The following NECAB1 variants were observed in gnomAD, a reference collection of about 807,000 sequenced individuals.
NECAB1 encodes N-terminal EF-hand calcium binding protein 1.
NECAB1 carries 29 observed loss-of-function variants against 57.5 expected under a neutral mutation model. That is an observed-to-expected ratio of 0.50 (90% CI 0.38 to 0.69). The LOEUF (loss-of-function observed/expected upper bound fraction) is 0.69. Ranked by LOEUF, NECAB1 falls within the 30% of genes least tolerant of loss-of-function variation. NECAB1 has a pLI of 0.00. For synonymous variants in NECAB1, 142 were observed against 147.7 expected (o/e 0.96, Z 0.28); for missense variants, 372 against 413.8 (o/e 0.90, Z 0.88).
intron 1 of NECAB1, among the ~76,000 whole-genome samples, chr8:90,798,876 A>G (rs888889122): frequency 3.9e-5 from 6 of 152,186 alleles, no homozygotes; most frequent in African/African-American, 1.4e-4. Flanking sequence ...AAATCTCCAA[A>G]CTGCTTTCCA....
rs1269835226 is a variant in NECAB1 at position 90,940,807 on chromosome 8, C to A, written c.769C>A (p.Gln257Lys). The A allele has an allele frequency of 1.9e-6, 3 of 1,562,074 alleles. No individual in the cohort carries two copies. The highest frequency in any genetic ancestry group is 2.4e-5 in the South Asian group (2 of 84,588). ...GCAGCACATCATGCTTGTGCAGCGG[C>A]AGATGTCTGTGATAGAAGAGGACCT... ...TKSHIMLVQRQMSVIEEDLEE... is the reference protein window; with the variant it reads ...TKSHIMLVQRKMSVIEEDLEE... Residue 257 changes from glutamine (Q) to lysine (K), a missense_variant, in exon 10 of 13, where the codon CAG becomes AAG. By Grantham distance (53) the Gln-to-Lys change is moderately conservative. Transcript: ENST00000417640.
At chr8:90,823,382 A>T (rs112148515) in intron 2 of NECAB1, among the ~76,000 whole-genome samples, 23,058 of 151,830 alleles carry the variant, frequency 0.15, 3,193 homozygotes, top group African/African-American at 0.37. Context: ...TTTTTTGCAA[A>T]TAAGGATTTT....
At chr8:90,898,328 T>C (rs1809412918) in intron 5 of NECAB1, among the ~76,000 whole-genome samples, 2 of 152,348 alleles carry the variant, frequency 1.3e-5, no homozygotes, top group Middle Eastern at 3.4e-3. Context: ...ATTTAAAATA[T>C]AGCCTTGTCT....
intron 6 of NECAB1, 68 bp from the exon 7 acceptor site, chr8:90,925,467 G>T: frequency 6.5e-7 from 1 of 1,549,946 alleles, no homozygotes; most frequent in Non-Finnish European, 8.8e-7. Context: ...GACGCATGAA[G>T]ATCTCTTCCC....
chr8:90,807,911 C>T (rs902303795), intron 2 of NECAB1, among the ~76,000 whole-genome samples: 1 of 152,170 alleles, frequency 6.6e-6, no homozygotes, highest in African/African-American at 2.4e-5. Context: ...GAAATGTCTC[C>T]TCCACCACTG....
intron 3 of NECAB1, among the ~76,000 whole-genome samples, chr8:90,858,756 G>A (rs950016807): frequency 5.3e-5 from 8 of 152,170 alleles, no homozygotes; most frequent in Non-Finnish European, 7.4e-5. Context: ...CCATTGGCTC[G>A]TAACTATATT....
intron 7 of NECAB1, among the ~76,000 whole-genome samples, chr8:90,927,987 C>T (rs1810316704): frequency 7.7e-6 from 1 of 130,372 alleles, no homozygotes; most frequent in African/African-American, 3.6e-5. Flanking sequence ...CTTTGAATAT[C>T]AAAGGCCAAA....
intron 3 of NECAB1, among the ~76,000 whole-genome samples, chr8:90,856,796 C>T (rs1812803336): frequency 6.6e-6 from 1 of 152,204 alleles, no homozygotes; most frequent in Non-Finnish European, 1.5e-5. Flanking sequence ...GCAGCACTTG[C>T]TACCATGCAC....
At chr8:90,831,672 T>C (rs1812300610) in intron 3 of NECAB1, among the ~76,000 whole-genome samples, 1 of 152,146 alleles carries the variant, frequency 6.6e-6, no homozygotes, top group Admixed American at 6.5e-5. Flanking sequence ...GGAGTCCTGC[T>C]TTCCCATTCT....
rs1051651069 is a variant in NECAB1, at chr8:90,834,999, T to A, written c.233+10174T>A. On this transcript the variant is annotated intron_variant, in intron 3 of 12. Transcript: ENST00000417640. ...TTCCCTGACTTTCTTTTTTTTTTTT[T>A]TAAAAAAGAGCCCGCATCGACTTTC... Among the ~76,000 whole-genome samples the A allele has an allele frequency of 4.6e-5, 6 of 130,972 alleles. No individual in the cohort carries two copies. In the East Asian group the frequency reaches 1.3e-3, roughly 28 times the overall value. 85.9% of individuals were successfully genotyped at this position (130,972 alleles called of 152,430 possible).
chr8:90,833,813 C>T (rs1474838968), intron 3 of NECAB1, among the ~76,000 whole-genome samples: 1 of 152,104 alleles, frequency 6.6e-6, no homozygotes, highest in Non-Finnish European at 1.5e-5. Flanking sequence ...ACATTTTTCT[C>T]AAGAATGGTC....
At chr8:90,837,908 ACTTGTATG>A (rs1469050996) in intron 3 of NECAB1, among the ~76,000 whole-genome samples, 1 of 152,086 alleles carries the variant, frequency 6.6e-6, no homozygotes. Flanking sequence ...TTTCATTTCA[ACTTGTATG>A]CTGAATTCCT....
chr8:90,823,973 C>T (rs1812186263), intron 2 of NECAB1, among the ~76,000 whole-genome samples: 1 of 151,592 alleles, frequency 6.6e-6, no homozygotes, highest in South Asian at 2.1e-4. Flanking sequence ...TAGATTTTAC[C>T]TGTTGTCCAA....
chr8:90,831,352 A>G (rs1009482103), intron 3 of NECAB1, among the ~76,000 whole-genome samples: 8 of 152,178 alleles, frequency 5.3e-5, no homozygotes. Flanking sequence ...AATAGATGCC[A>G]GGCAGGCAAA....
At chr8:90,828,150 G>A (rs200057565) in intron 3 of NECAB1, among the ~76,000 whole-genome samples, 14 of 108,916 alleles carry the variant, frequency 1.3e-4, no homozygotes, top group Admixed American at 9.4e-5. Context: ...TTTTTCTTTT[G>A]TATGCCCTGG....
At chr8:90,953,141 A>C (rs749813118) in intron 12 of NECAB1, among the ~76,000 whole-genome samples, 12 of 152,192 alleles carry the variant, frequency 7.9e-5, no homozygotes, top group African/African-American at 1.2e-4. Context: ...GCTTGTTCTT[A>C]TTAGTGTCTT....
chr8:90,947,156 C>A (rs1328526154), intron 10 of NECAB1, among the ~76,000 whole-genome samples: 2 of 152,018 alleles, frequency 1.3e-5, no homozygotes, highest in Non-Finnish European at 2.9e-5. Flanking sequence ...ATTTTCCCTC[C>A]ATTTCTTTTC....
chr8:90,812,356 T>C (rs1291142514), intron 2 of NECAB1, among the ~76,000 whole-genome samples: 1 of 152,198 alleles, frequency 6.6e-6, no homozygotes, highest in Admixed American at 6.5e-5. Context: ...CCTGAGTAAA[T>C]AGAAGTGTTT....
intron 10 of NECAB1, among the ~76,000 whole-genome samples, chr8:90,945,281 T>C (rs1810776725): frequency 6.6e-6 from 1 of 152,182 alleles, no homozygotes; most frequent in Admixed American, 6.5e-5. Context: ...TTGCCCAGGC[T>C]GGTCGCGAAC....
Sources: gnomAD v4.1 joint callset for allele counts (sites outside exome capture counted in the v4.1 genomes callset) on GRCh38, gnomAD v4.1.1 for gene constraint, MANE v1.5 for transcripts, NCBI Gene and HGNC (gene_info 2026-07-23, HGNC 2026-07-21) for gene names.